Variants in EYA2 observed in about 807,000 individuals in gnomAD.
The protein encoded by EYA2 is protein phosphatase EYA2.
EYA2 carries 31 observed loss-of-function variants against 69.2 expected under a neutral mutation model. The ratio of observed to expected loss-of-function variants is 0.45; its 90% CI spans 0.34 to 0.60. The LOEUF is 0.60. Among genes scored for constraint, EYA2 ranks in the 20% least tolerant of loss-of-function variants. The pLI, the probability that EYA2 is intolerant of heterozygous loss-of-function variation, is 0.02. For missense variants in EYA2, 622 were observed against 701.2 expected (o/e 0.89, Z 1.28); for synonymous variants, 257 against 279.4 (o/e 0.92, Z 0.80).
chr20:46,932,747 G>C (rs1220595496), intron 1 of EYA2, among the ~76,000 whole-genome samples: 1 of 152,140 alleles, frequency 6.6e-6, no homozygotes, highest in African/African-American at 2.4e-5. Context: ...TCAGCCAGGC[G>C]TGGTGGCGGG....
At chr20:47,162,505 A>G (rs1297908515) in intron 10 of EYA2, among the ~76,000 whole-genome samples, 1 of 144,350 alleles carries the variant, frequency 6.9e-6, no homozygotes, top group Non-Finnish European at 1.5e-5. Flanking sequence ...AGCAGTACAT[A>G]CACACATTAT....
At chr20:47,124,947 T>C (rs1433488273) in intron 9 of EYA2, among the ~76,000 whole-genome samples, 1 of 152,118 alleles carries the variant, frequency 6.6e-6, no homozygotes, top group East Asian at 1.9e-4. Context: ...TCAACATCTT[T>C]CTTTGTTCTC....
chr20:47,055,965 C>T (rs1483809483), intron 5 of EYA2, among the ~76,000 whole-genome samples: 2 of 152,176 alleles, frequency 1.3e-5, no homozygotes, highest in Non-Finnish European at 2.9e-5. Flanking sequence ...CCCCTGCTGC[C>T]CCCGCCACCC....
At chr20:47,046,093 A>G (rs2030020949) in intron 5 of EYA2, among the ~76,000 whole-genome samples, 1 of 152,202 alleles carries the variant, frequency 6.6e-6, no homozygotes, top group South Asian at 2.1e-4. Context: ...GGGTGCCAGC[A>G]TGGTCAGGTT....
intron 2 of EYA2, chr20:46,997,784 A>C (rs751186882): frequency 6.6e-6 from 1 of 152,444 alleles, no homozygotes; most frequent in Non-Finnish European, 1.5e-5. Flanking sequence ...ACAGAAAGCT[A>C]TGATCAGTGG....
rs1006104321 is a variant in EYA2 at position 46,895,922 on chromosome 20, C to G, written c.-11+935C>G. 2.0e-5 allele frequency among the ~76,000 whole-genome samples: 3 copies of G among 152,348 alleles called. No individual in the cohort carries two copies. The South Asian group carries it at 6.2e-4, about 32-fold the overall frequency. On this transcript the variant is annotated intron_variant, in intron 1 of 15. Transcript: ENST00000327619. ...CCCCGAAGCCGAGGCTGAGAGTTGA[C>G]AGCGTGCACCCTGCCGCGGTCTGAA... is the stretch of plus-strand genomic sequence containing the variant.
chr20:46,927,939 A>G (rs1298945039), intron 1 of EYA2, among the ~76,000 whole-genome samples: 1 of 152,222 alleles, frequency 6.6e-6, no homozygotes, highest in East Asian at 1.9e-4. Context: ...CCGTGACCCG[A>G]ATCAATAGAA....
rs140286080 is a variant in EYA2 at position 47,136,860 on chromosome 20, C to T, written c.889-6199C>T. Reference sequence around the variant, plus strand: ...TCCAACTCGAAACCTCTTCACCAGCCTCCCACACAAGTATGCAGAGCCCAC... The same window carrying T: ...TCCAACTCGAAACCTCTTCACCAGCTTCCCACACAAGTATGCAGAGCCCAC... On this transcript the variant is annotated intron_variant, in intron 9 of 15. Coordinates refer to ENST00000327619, the MANE Select transcript of EYA2 (RefSeq NM_005244.5). 6.6e-5 allele frequency among the ~76,000 whole-genome samples: 10 copies of T among 152,280 alleles called. No homozygotes were observed. The East Asian group carries it at 1.7e-3, about 26-fold the overall frequency.
At chr20:47,043,698 G>A (rs1453745513) in intron 5 of EYA2, among the ~76,000 whole-genome samples, 1 of 152,158 alleles carries the variant, frequency 6.6e-6, no homozygotes, top group Non-Finnish European at 1.5e-5. Flanking sequence ...TAGAACTGTT[G>A]TGAGGATTAA....
At chr20:46,988,240 C>T (rs751084243) in intron 1 of EYA2, among the ~76,000 whole-genome samples, 2 of 151,088 alleles carry the variant, frequency 1.3e-5, no homozygotes, top group Non-Finnish European at 2.9e-5. Context: ...AACAGCCCTC[C>T]TGGGATACTG....
chr20:46,989,642 C>G (rs1053300103), intron 1 of EYA2, among the ~76,000 whole-genome samples: 1 of 152,240 alleles, frequency 6.6e-6, no homozygotes, highest in Admixed American at 6.5e-5. Flanking sequence ...AATCCAAACG[C>G]TCCCTCTCTG....
intron 5 of EYA2, among the ~76,000 whole-genome samples, chr20:47,068,145 G>A (rs2031183519): frequency 6.6e-6 from 1 of 152,224 alleles, no homozygotes; most frequent in Non-Finnish European, 1.5e-5. Flanking sequence ...ACATGGGAAT[G>A]GCAATTATAT....
chr20:47,097,576 C>T (rs1388225990), intron 9 of EYA2, among the ~76,000 whole-genome samples: 1 of 152,160 alleles, frequency 6.6e-6, no homozygotes, highest in Non-Finnish European at 1.5e-5. Context: ...AATTTTCCTT[C>T]TGTTTTTTTG....
At chr20:47,030,482 C>T (rs1984344414) in intron 5 of EYA2, among the ~76,000 whole-genome samples, 1 of 152,194 alleles carries the variant, frequency 6.6e-6, no homozygotes, top group Non-Finnish European at 1.5e-5. Context: ...TAAGCATGGG[C>T]CACACAGCCC....
intron 5 of EYA2, among the ~76,000 whole-genome samples, chr20:47,062,023 G>A (rs1006222087): frequency 1.3e-5 from 2 of 152,110 alleles, no homozygotes; most frequent in Non-Finnish European, 2.9e-5. Flanking sequence ...CATGATCCAC[G>A]ATGGGACTGT....
At chr20:47,046,838 CAG>C (rs1193124403) in intron 5 of EYA2, among the ~76,000 whole-genome samples, 1 of 152,180 alleles carries the variant, frequency 6.6e-6, no homozygotes, top group Non-Finnish European at 1.5e-5. Context: ...AGGGTTCTGA[CAG>C]ATCTCAGCTG....
intron 5 of EYA2, among the ~76,000 whole-genome samples, chr20:47,023,749 T>A (rs755908002): frequency 6.6e-6 from 1 of 151,344 alleles, no homozygotes; most frequent in Non-Finnish European, 1.5e-5. Context: ...GCGATTCTTA[T>A]GCCTCAGCCA....
At chr20:46,933,133 C>G (rs1222299115) in intron 1 of EYA2, among the ~76,000 whole-genome samples, 1 of 152,202 alleles carries the variant, frequency 6.6e-6, no homozygotes, top group Non-Finnish European at 1.5e-5. Context: ...TTCCTGTGAA[C>G]CTCAGTTTTT....
At chr20:47,007,126 T>G (rs1982767938) in intron 4 of EYA2, among the ~76,000 whole-genome samples, 1 of 152,044 alleles carries the variant, frequency 6.6e-6, no homozygotes, top group African/African-American at 2.4e-5. Context: ...GAGATGAGGT[T>G]TTGCCATGTT....
Sources: gnomAD v4.1 joint callset for allele counts (sites outside exome capture counted in the v4.1 genomes callset) on GRCh38, gnomAD v4.1.1 for gene constraint, MANE v1.5 for transcripts, NCBI Gene and HGNC (gene_info 2026-07-23, HGNC 2026-07-21) for gene names.